GLYAT: variants seen among roughly 807,000 people sequenced by gnomAD.
GLYAT encodes the protein glycine-N-acyltransferase.
GLYAT carries 25 observed loss-of-function variants against 22.8 expected under a neutral mutation model. The ratio of observed to expected loss-of-function variants is 1.09; its 90% CI spans 0.80 to 1.53. The LOEUF is 1.53. Ranked by LOEUF, GLYAT falls within the 40% of genes most tolerant of loss-of-function variation. The pLI is 0.00. For synonymous variants in GLYAT, 140 were observed against 122.7 expected (o/e 1.14, Z -0.93); for missense variants, 411 against 353.9 (o/e 1.16, Z -1.29).
chr11:58,719,358 C>G (rs926101192), intron 2 of GLYAT, among the ~76,000 whole-genome samples: 2 of 151,864 alleles, frequency 1.3e-5, no homozygotes, highest in African/African-American at 4.8e-5. Context: ...AAAATTTAAT[C>G]TATATTATAA....
chr11:58,715,281 TA>T, intron 3 of GLYAT, 34 bp downstream of exon 3: 1 of 922,564 alleles, frequency 1.1e-6, no homozygotes. Flanking sequence ...ACAGCTAATA[TA>T]AATATAGAAG....
chr11:58,720,189 A>C (rs1856732481), intron 2 of GLYAT, among the ~76,000 whole-genome samples: 1 of 151,976 alleles, frequency 6.6e-6, no homozygotes, highest in Non-Finnish European at 1.5e-5. Context: ...CTCTTTAAAA[A>C]ACACACACAC....
Position 58,729,703 on chromosome 11 carries a change from T to C in GLYAT, c.-16+2132A>G, listed in dbSNP as rs943731131. On this transcript the variant is annotated intron_variant, in intron 1 of 5. Coordinates refer to ENST00000344743, the MANE Select transcript of GLYAT (RefSeq NM_201648.3). ...AAACACATATGTATTAAATGCATAA[T>C]ATATTCTGGACATGAGAAAAGTTTC... Among the ~76,000 whole-genome samples, 4 of 152,294 alleles carry C rather than the reference T, an allele frequency of 2.6e-5. No homozygotes were observed. In the South Asian group the frequency reaches 8.3e-4, roughly 32 times the overall value.
intron 2 of GLYAT, among the ~76,000 whole-genome samples, chr11:58,722,738 C>T (rs1026951644): frequency 1.3e-5 from 2 of 152,016 alleles, no homozygotes; most frequent in Admixed American, 1.3e-4. Flanking sequence ...CACTAGTGAA[C>T]AGAACATAGC....
At chr11:58,716,398 A>G (rs1168683967) in intron 2 of GLYAT, among the ~76,000 whole-genome samples, 1 of 151,938 alleles carries the variant, frequency 6.6e-6, no homozygotes, top group Non-Finnish European at 1.5e-5. Context: ...CCTACCCCAC[A>G]TGAAATACTG....
Position 58,712,763 on chromosome 11 carries a change from G to GTAAGTA in GLYAT, c.312_313insTACTTA (p.Ile104_Gln105insTyrLeu), listed in dbSNP as rs1856631424. 3 of 1,612,940 alleles carry GTAAGTA rather than the reference G, an allele frequency of 1.9e-6. No individual in the cohort carries two copies. Among genetic ancestry groups the GTAAGTA allele is most frequent in the Non-Finnish European group, 2.5e-6 (3 of 1,179,120 alleles). ...ACATCCCATTCCTCTTACTTACTTT[G>GTAAGTA]AATCTGTAAATGCTGTTTCCAGTTG... On this transcript the variant is annotated inframe_insertion, in exon 4 of 6. Transcript: ENST00000344743.
At position 58,709,523 on chromosome 11, in the gene GLYAT, G is replaced by A. The variant is rs976897979; in HGVS notation, c.*243C>T. The A allele has an allele frequency of 2.3e-6, 1 of 431,712 alleles. No homozygotes were observed. 26.7% of individuals were successfully genotyped at this position (431,712 alleles called of 1,614,324 possible). ...CTGATGAAGTGTCATAGAGGTCCTGGAAATGTGGGGAGGTAAATTGCTTAT... is the reference window on the plus strand; with the variant it reads ...CTGATGAAGTGTCATAGAGGTCCTGAAAATGTGGGGAGGTAAATTGCTTAT... On this transcript the variant is annotated 3_prime_UTR_variant, in exon 6 of 6. Transcript: ENST00000344743.
rs894907851 is a variant in GLYAT at position 58,709,021 on chromosome 11, G to A, written c.*745C>T. ...TTCATACACTCATTCCTTTCATGCT[G>A]TCACCATGATGAACCACTTAGCTTG... On this transcript the variant is annotated 3_prime_UTR_variant, in exon 6 of 6. Coordinates refer to ENST00000344743, the MANE Select transcript of GLYAT (RefSeq NM_201648.3). 1 of 152,074 alleles carries A rather than the reference G, an allele frequency of 6.6e-6. No individual in the cohort carries two copies. The highest frequency in any genetic ancestry group is 2.4e-5 in the African/African-American group (1 of 41,394). The allele number at this position is 152,074 out of a possible 1,614,324, so 9.4% of individuals were successfully genotyped here.
At chr11:58,714,635 G>A (rs550834354) in intron 3 of GLYAT, among the ~76,000 whole-genome samples, 3 of 152,176 alleles carry the variant, frequency 2.0e-5, no homozygotes, top group African/African-American at 4.8e-5. Flanking sequence ...TTCCCCCACC[G>A]TGTCTTTGTG....
chr11:58,727,839 C>T (rs915327513), intron 1 of GLYAT, among the ~76,000 whole-genome samples: 2 of 152,096 alleles, frequency 1.3e-5, no homozygotes, highest in African/African-American at 4.8e-5. Context: ...ACTGCACATG[C>T]TCACCTCTCA....
chr11:58,724,482 C>A lies in GLYAT; in HGVS notation c.15G>T (p.Leu5Phe). MMLP[L>F]QGAQMLQMLE... ...GCATCTGCAGCATCTGGGCACCTTG[C>A]AATGGTAACATCATGGAGGATACCT... Residue 5 changes from leucine to phenylalanine, a missense_variant, in exon 2 of 6, where the codon TTG becomes TTT. Leu to Phe is a conservative substitution (Grantham distance 22, BLOSUM62 0). Coordinates refer to ENST00000344743, the MANE Select transcript of GLYAT (RefSeq NM_201648.3). 1.2e-6 allele frequency: 2 copies of A among 1,602,960 alleles called. No individual in the cohort carries two copies. Among genetic ancestry groups the A allele is most frequent in the Admixed American group, 1.7e-5 (1 of 59,640 alleles).
intron 3 of GLYAT, 71 bp from the exon 4 acceptor site, chr11:58,712,957 G>A: frequency 1.0e-6 from 1 of 963,632 alleles, no homozygotes; most frequent in Non-Finnish European, 1.5e-6. Context: ...TTTATACTGT[G>A]ATATTTCTAA....
chr11:58,727,060 A>C (rs1052920064), intron 1 of GLYAT, among the ~76,000 whole-genome samples: 1 of 152,142 alleles, frequency 6.6e-6, no homozygotes, highest in Non-Finnish European at 1.5e-5. Flanking sequence ...CAGGAGGACA[A>C]ACTGTTTCAA....
At chr11:58,727,027 C>T (rs746547747) in intron 1 of GLYAT, among the ~76,000 whole-genome samples, 1 of 152,044 alleles carries the variant, frequency 6.6e-6, no homozygotes, top group African/African-American at 2.4e-5. Context: ...TAGGTGAGAT[C>T]CTTAAAGTGT....
At position 58,715,367 on chromosome 11, in the gene GLYAT, C is replaced by T. The variant is rs113750856; in HGVS notation, c.138G>A (p.Val46=). 8.1e-6 allele frequency: 13 copies of T among 1,604,600 alleles called. No homozygotes were observed. The highest frequency in any genetic ancestry group is 1.1e-5 in the Non-Finnish European group (13 of 1,171,806). ...NHGNPFNLKA[V]VDKWPDFNTV... ...TATTAAAATCAGGCCACTTGTCCAC[C>T]ACAGCCTTCAGATTGAATGGATTTC... The change falls in exon 3 of 6, where the codon GTG becomes GTA. Residue 46 remains valine, a synonymous_variant. Coordinates refer to ENST00000344743, the MANE Select transcript of GLYAT (RefSeq NM_201648.3).
chr11:58,722,348 G>T (rs919286154), intron 2 of GLYAT, among the ~76,000 whole-genome samples: 1 of 152,028 alleles, frequency 6.6e-6, no homozygotes, highest in African/African-American at 2.4e-5. Context: ...CACTGACACA[G>T]CCTCAGGAAG....
intron 1 of GLYAT, among the ~76,000 whole-genome samples, chr11:58,729,198 C>G (rs1049390998): frequency 1.3e-5 from 2 of 152,130 alleles, no homozygotes; most frequent in African/African-American, 4.8e-5. Flanking sequence ...TACATTTATT[C>G]TCAGTTTGAA....
intron 2 of GLYAT, among the ~76,000 whole-genome samples, chr11:58,723,746 A>C (rs1439398362): frequency 6.6e-6 from 1 of 151,864 alleles, no homozygotes; most frequent in Non-Finnish European, 1.5e-5. Flanking sequence ...TATCATTGGA[A>C]CTGCTCTTGC....
chr11:58,713,570 C>T (rs1304976995), intron 3 of GLYAT, among the ~76,000 whole-genome samples: 1 of 152,078 alleles, frequency 6.6e-6, no homozygotes, highest in Non-Finnish European at 1.5e-5. Context: ...ATTCAAAATG[C>T]CTTCTTTAAA....
Sources: gnomAD v4.1 joint callset for allele counts (sites outside exome capture counted in the v4.1 genomes callset) on GRCh38, gnomAD v4.1.1 for gene constraint, MANE v1.5 for transcripts, NCBI Gene and HGNC (gene_info 2026-07-23, HGNC 2026-07-21) for gene names.